Variants in MRPL13 observed in about 807,000 individuals in gnomAD.
MRPL13 encodes the protein mitochondrial ribosomal protein L13, also known as large ribosomal subunit protein uL13m.
In MRPL13, 33 loss-of-function variants were observed where a neutral mutation model predicts 29.0. The observed-to-expected ratio is 1.14, with a 90% confidence interval of 0.86 to 1.52. The LOEUF is 1.52. MRPL13 is among the 40% of genes most tolerant of loss of function. The pLI is 0.00. For synonymous variants in MRPL13, 77 were observed against 68.4 expected, an observed-to-expected ratio of 1.13 and a Z score of -0.62; for missense variants, 227 against 216.7, an observed-to-expected ratio of 1.05 and a Z score of -0.30.
intron 5 of MRPL13, 199 bp from the exon 6 acceptor site, chr8:120,414,311 T>C: frequency 2.8e-6 from 1 of 352,460 alleles, no homozygotes; most frequent in Non-Finnish European, 4.8e-6. Context: ...CCCATTATAA[T>C]AAGATACCTA....
chr8:120,444,009 G>A (rs1406807858), intron 1 of MRPL13, among the ~76,000 whole-genome samples: 1 of 152,008 alleles, frequency 6.6e-6, no homozygotes, highest in Non-Finnish European at 1.5e-5. Flanking sequence ...TACACAAGAG[G>A]CTAAACAATG....
chr8:120,415,426 C>G (rs1286183743), intron 5 of MRPL13: 1 of 152,114 alleles, frequency 6.6e-6, no homozygotes, highest in Non-Finnish European at 1.5e-5. Context: ...TAAGGCAGCA[C>G]TTTGATCAAT....
intron 2 of MRPL13, among the ~76,000 whole-genome samples, chr8:120,442,291 T>C (rs1045957865): frequency 2.0e-5 from 3 of 152,178 alleles, no homozygotes; most frequent in Non-Finnish European, 4.4e-5. Flanking sequence ...CTATGCACCT[T>C]AAAACCCAGT....
At chr8:120,435,880 G>A (rs1813048875) in intron 2 of MRPL13, among the ~76,000 whole-genome samples, 1 of 152,048 alleles carries the variant, frequency 6.6e-6, no homozygotes, top group African/African-American at 2.4e-5. Flanking sequence ...AATCATTAGC[G>A]ATATGGGCAT....
chr8:120,419,979 T>C (rs1812850949), intron 4 of MRPL13, 41 bp from the exon 5 acceptor site: 2 of 1,343,258 alleles, frequency 1.5e-6, no homozygotes, highest in Non-Finnish European at 2.0e-6. Context: ...AATTGTGACT[T>C]GCGATAGTAA....
intron 5 of MRPL13, 109 bp downstream of exon 5, chr8:120,419,743 G>A: frequency 1.5e-6 from 1 of 649,240 alleles, no homozygotes; most frequent in South Asian, 2.5e-5. Context: ...TATTTCAGAA[G>A]TTGACATAAA....
chr8:120,443,062 G>T, intron 2 of MRPL13, 123 bp downstream of exon 2: 1 of 998,352 alleles, frequency 1.0e-6, no homozygotes, highest in Non-Finnish European at 1.4e-6. Flanking sequence ...CAGCAAGAAT[G>T]GAATACAGGA....
At chr8:120,426,999 T>C (rs1231690346) in intron 3 of MRPL13, among the ~76,000 whole-genome samples, 3 of 152,022 alleles carry the variant, frequency 2.0e-5, no homozygotes, top group African/African-American at 7.2e-5. Context: ...CCTAAAAAAT[T>C]AGAAGTAAAT....
chr8:120,402,775 C>G (rs1812614576), intron 6 of MRPL13, among the ~76,000 whole-genome samples: 2 of 152,090 alleles, frequency 1.3e-5, no homozygotes, highest in Admixed American at 6.5e-5. Context: ...TATCCAGCAT[C>G]TACAATGAAC....
chr8:120,443,566 C>T (rs899596600), intron 1 of MRPL13, among the ~76,000 whole-genome samples: 1 of 150,560 alleles, frequency 6.6e-6, no homozygotes, highest in Admixed American at 6.6e-5. Context: ...AGCAATATGA[C>T]TTACGTTTTG....
At chr8:120,433,918 T>A (rs910537102) in intron 2 of MRPL13, among the ~76,000 whole-genome samples, 1 of 152,094 alleles carries the variant, frequency 6.6e-6, no homozygotes, top group Non-Finnish European at 1.5e-5. Context: ...AAATAAATCA[T>A]AGCTCTAGTG....
chr8:120,434,534 AT>A (rs1395867125), intron 2 of MRPL13, among the ~76,000 whole-genome samples: 1 of 152,128 alleles, frequency 6.6e-6, no homozygotes, highest in Non-Finnish European at 1.5e-5. Context: ...AGATCTTACC[AT>A]TTCTACCACA....
intron 4 of MRPL13, among the ~76,000 whole-genome samples, chr8:120,423,962 A>G (rs1563774762): frequency 6.6e-6 from 1 of 152,136 alleles, no homozygotes; most frequent in Non-Finnish European, 1.5e-5. Flanking sequence ...ATTTGGAAGT[A>G]AGGTAAAAAT....
chr8:120,443,393 T>A, intron 1 of MRPL13, 85 bp from the exon 2 acceptor site: 1 of 1,173,156 alleles, frequency 8.5e-7, no homozygotes, highest in Non-Finnish European at 1.1e-6. Flanking sequence ...AAATTTATTA[T>A]CATATATCAT....
intron 2 of MRPL13, among the ~76,000 whole-genome samples, chr8:120,432,872 G>A (rs1013808251): frequency 6.6e-6 from 1 of 151,660 alleles, no homozygotes; most frequent in African/African-American, 2.4e-5. Context: ...CAAGTAATTA[G>A]AAACATTTAT....
At chr8:120,441,296 A>C (rs2130488518) in intron 2 of MRPL13, among the ~76,000 whole-genome samples, 1 of 152,276 alleles carries the variant, frequency 6.6e-6, no homozygotes, top group African/African-American at 2.4e-5. Flanking sequence ...AAGCAGTCAA[A>C]ACTGGAGATT....
intron 6 of MRPL13, among the ~76,000 whole-genome samples, chr8:120,397,798 AG>A (rs1240081563): frequency 6.6e-6 from 1 of 152,028 alleles, no homozygotes; most frequent in Non-Finnish European, 1.5e-5. Context: ...TGCCAGCTCC[AG>A]GGAGTCCAGG....
chr8:120,425,515 C>T lies in MRPL13; in HGVS notation c.246-149G>A, dbSNP rs373015126. 1,036 of 546,736 alleles carry T rather than the reference C, an allele frequency of 1.9e-3. 10 individuals carry two copies. Among genetic ancestry groups the T allele is most frequent in the African/African-American group, 0.018 (915 of 52,198 alleles). The allele number at this position is 546,736 out of a possible 1,614,324, so 33.9% of individuals were successfully genotyped here. On this transcript the variant is annotated intron_variant, in intron 3 of 6. Transcript: ENST00000306185. ...TTTCAAAATTAAGTAGTAATCTACG[C>T]TTTTTGAAATGCTATTCTCTTAAAT...
chr8:120,396,205 TAAAATA>T (rs1812522748), intron 6 of MRPL13, 80 bp from the exon 7 acceptor site: 1 of 1,129,800 alleles, frequency 8.9e-7, no homozygotes, highest in Non-Finnish European at 1.3e-6. Flanking sequence ...TTTTCCAATT[TAAAATA>T]AAAATAACTG....
Sources: gnomAD v4.1 joint callset for allele counts (sites outside exome capture counted in the v4.1 genomes callset) on GRCh38, gnomAD v4.1.1 for gene constraint, MANE v1.5 for transcripts, NCBI Gene and HGNC (gene_info 2026-07-23, HGNC 2026-07-21) for gene names.